Variants in CAMTA1 observed in about 807,000 individuals in gnomAD.
The protein encoded by CAMTA1 is calmodulin-binding transcription activator 1.
Under a neutral mutation model 170.9 loss-of-function variants are expected in CAMTA1, and 27 were observed. That is an observed-to-expected ratio of 0.16 (90% confidence interval 0.12 to 0.22). CAMTA1 has a LOEUF of 0.22. CAMTA1 is among the 10% of genes least tolerant of loss of function. The probability of loss-of-function intolerance (pLI) is 1.00; values close to 1 mark genes in which losing one functional copy is unlikely to be tolerated. For synonymous variants in CAMTA1, 833 were observed against 891.5 expected (o/e 0.93, Z 1.17); for missense variants, 1,619 against 2,217.2 (o/e 0.73, Z 5.42).
chr1:7,611,472 T>C (rs943036876), intron 6 of CAMTA1, among the ~76,000 whole-genome samples: 1 of 152,190 alleles, frequency 6.6e-6, no homozygotes, highest in Non-Finnish European at 1.5e-5. Flanking sequence ...AGCAGGATGC[T>C]GGGAACAGGT....
intron 5 of CAMTA1, among the ~76,000 whole-genome samples, chr1:7,386,786 C>T (rs990324449): frequency 1.3e-5 from 2 of 152,144 alleles, no homozygotes; most frequent in Non-Finnish European, 2.9e-5. Context: ...ATAAAAAATA[C>T]TTTCCCGGGT....
chr1:7,022,480 C>T (rs4908434), intron 3 of CAMTA1, among the ~76,000 whole-genome samples: 2 of 152,014 alleles, frequency 1.3e-5, no homozygotes, highest in Admixed American at 1.3e-4. Context: ...CATAAAGAAG[C>T]CTCTCTTTTA....
At chr1:7,127,097 G>A (rs899789240) in intron 4 of CAMTA1, among the ~76,000 whole-genome samples, 6 of 152,074 alleles carry the variant, frequency 3.9e-5, no homozygotes, top group African/African-American at 1.2e-4. Flanking sequence ...GTAGGGTCAG[G>A]CAGCATGGGG....
At chr1:6,819,918 A>G (rs1286113890) in intron 1 of CAMTA1, among the ~76,000 whole-genome samples, 1 of 152,228 alleles carries the variant, frequency 6.6e-6, no homozygotes, top group Non-Finnish European at 1.5e-5. Context: ...GTAGAAAAAT[A>G]TCTAATCAGA....
rs1464900858 is a variant in CAMTA1, at chr1:7,270,246, C to CATATATAT, written c.438+20621_438+20622insTATATATA. Among the ~76,000 whole-genome samples, 8 of 15,330 alleles carry CATATATAT rather than the reference C, an allele frequency of 5.2e-4. No homozygotes were observed. The South Asian group carries it at 9.5e-3, about 18-fold the overall frequency. 10.1% of individuals were successfully genotyped at this position (15,330 alleles called of 152,430 possible). A position where few individuals can be genotyped will look rare whatever the true frequency, so the allele number is the denominator to read the frequency against. ...ACATATATATACACATATATACATA[C>CATATATAT]ACACACACACACACACACACACACA... On this transcript the variant is annotated intron_variant, in intron 5 of 22. Transcript: ENST00000303635.
chr1:7,679,173 C>T (rs1041656303), intron 11 of CAMTA1, among the ~76,000 whole-genome samples: 5 of 152,234 alleles, frequency 3.3e-5, no homozygotes, highest in African/African-American at 1.2e-4. Flanking sequence ...TGACCAGGGG[C>T]TCCCGTTTAG....
At chr1:7,318,254 C>T (rs17346115) in intron 5 of CAMTA1, among the ~76,000 whole-genome samples, 5,452 of 152,218 alleles carry the variant, frequency 0.036, 160 homozygotes, top group Non-Finnish European at 0.052. Context: ...GCAGGTGGCA[C>T]TTGGAGATTT....
intron 19 of CAMTA1, chr1:7,750,925 C>A: frequency 1.7e-6 from 1 of 586,206 alleles, no homozygotes; most frequent in Non-Finnish European, 3.1e-6. Context: ...AAGGGTATTG[C>A]TATTAAAATT....
intron 5 of CAMTA1, among the ~76,000 whole-genome samples, chr1:7,376,174 T>C (rs1484764380): frequency 2.0e-5 from 3 of 152,262 alleles, no homozygotes; most frequent in African/African-American, 7.2e-5. Context: ...TGCAGAAGTA[T>C]GAATAGTAAG....
Position 7,490,006 on chromosome 1 carries a change from T to A in CAMTA1, c.510+22105T>A, listed in dbSNP as rs1404894395. ...AAATGTTCCACGCCGGGATATTGGA[T>A]CTCACAGGCCTGCTCTGTGGTGACG... On this transcript the variant is annotated intron_variant, in intron 6 of 22. Transcript: ENST00000303635. 3.9e-5 allele frequency among the ~76,000 whole-genome samples: 6 copies of A among 152,166 alleles called. No homozygotes were observed. The East Asian group carries it at 9.7e-4, about 25-fold the overall frequency.
chr1:7,554,072 G>A (rs1037520227), intron 6 of CAMTA1, among the ~76,000 whole-genome samples: 2 of 152,166 alleles, frequency 1.3e-5, no homozygotes, highest in Non-Finnish European at 2.9e-5. Flanking sequence ...GGAAGCATGA[G>A]AGAAGAGGGA....
At chr1:7,316,452 A>G (rs1002806982) in intron 5 of CAMTA1, among the ~76,000 whole-genome samples, 1 of 152,228 alleles carries the variant, frequency 6.6e-6, no homozygotes, top group Admixed American at 6.5e-5. Flanking sequence ...ATTAAAAGAG[A>G]TAACACAAGT....
intron 5 of CAMTA1, among the ~76,000 whole-genome samples, chr1:7,453,532 T>C (rs2092878801): frequency 6.6e-6 from 1 of 152,222 alleles, no homozygotes; most frequent in Non-Finnish European, 1.5e-5. Flanking sequence ...TTCTAGGCAC[T>C]ATGCTGGAAC....
chr1:7,209,043 A>G (rs749596879), intron 4 of CAMTA1, among the ~76,000 whole-genome samples: 14 of 152,124 alleles, frequency 9.2e-5, no homozygotes, highest in Admixed American at 9.2e-4. Context: ...CCATGATTCA[A>G]GGCCCCACCC....
chr1:7,413,518 A>G lies in CAMTA1; in HGVS notation c.439-54312A>G, dbSNP rs532157041. 6.0e-3 allele frequency among the ~76,000 whole-genome samples: 912 copies of G among 152,266 alleles called. 8 individuals carry two copies. Among genetic ancestry groups the G allele is most frequent in the African/African-American group, 0.021 (874 of 41,542 alleles). ...TAGGTATTTTATTCTCCTTGAAGCA[A>G]TTGTGAATGGGAGTTCATTCATGAT... On this transcript the variant is annotated intron_variant, in intron 5 of 22. Transcript: ENST00000303635.
intron 17 of CAMTA1, 129 bp downstream of exon 17, chr1:7,745,151 G>T: frequency 1.2e-6 from 1 of 825,576 alleles, no homozygotes; most frequent in Non-Finnish European, 1.9e-6. Context: ...GAAGCATGAG[G>T]ACAAGCTCTG....
intron 11 of CAMTA1, among the ~76,000 whole-genome samples, chr1:7,684,220 C>T (rs2096239170): frequency 6.6e-6 from 1 of 152,232 alleles, no homozygotes; most frequent in Non-Finnish European, 1.5e-5. Context: ...GCAAAGTTGA[C>T]TCTGTGGAGG....
At chr1:7,388,939 G>A (rs541635803) in intron 5 of CAMTA1, among the ~76,000 whole-genome samples, 3 of 152,324 alleles carry the variant, frequency 2.0e-5, no homozygotes, top group South Asian at 4.1e-4. Context: ...CCACCAGACC[G>A]AGCTTCCTGC....
chr1:7,399,280 A>G (rs2089696221), intron 5 of CAMTA1, among the ~76,000 whole-genome samples: 1 of 152,138 alleles, frequency 6.6e-6, no homozygotes, highest in Admixed American at 6.5e-5. Context: ...GCATTTATTT[A>G]TCACCAAGTG....
Sources: allele counts gnomAD v4.1 joint callset (sites outside exome capture counted in the v4.1 genomes callset), GRCh38; gene constraint gnomAD v4.1.1; transcripts MANE v1.5; gene names NCBI Gene and HGNC (gene_info 2026-07-23, HGNC 2026-07-21).